The following IGSF11 variants were observed in gnomAD, a reference collection of about 807,000 sequenced individuals.
The protein encoded by IGSF11 is immunoglobulin superfamily member 11, also known as CXADR like 1.
A neutral mutation model predicts 41.0 loss-of-function variants in IGSF11; 22 were observed. The ratio of observed to expected loss-of-function variants is 0.54; its 90% confidence interval spans 0.38 to 0.77. The LOEUF is 0.77. IGSF11 is among the 30% of genes least tolerant of loss of function. The probability of loss-of-function intolerance (pLI) is 0.00; values close to 1 mark genes in which losing one functional copy is unlikely to be tolerated. For missense variants in IGSF11, 444 were observed against 530.8 expected (o/e 0.84, Z 1.61); for synonymous variants, 219 against 201.3 (o/e 1.09, Z -0.74).
chr3:119,045,495 C>T (rs1941301967), intron 1 of IGSF11, among the ~76,000 whole-genome samples: 3 of 152,000 alleles, frequency 2.0e-5, no homozygotes, highest in South Asian at 4.2e-4. Flanking sequence ...GAGGGTCCTA[C>T]TCCACGGAGT....
intron 1 of IGSF11, among the ~76,000 whole-genome samples, chr3:118,961,808 A>G (rs1394695756): frequency 6.6e-6 from 1 of 152,246 alleles, no homozygotes; most frequent in Non-Finnish European, 1.5e-5. Context: ...AAACAATGTA[A>G]TTAATAAATT....
chr3:119,135,524 C>T (rs11924102), intron 1 of IGSF11, among the ~76,000 whole-genome samples: 20,237 of 152,118 alleles, frequency 0.13, 1,396 homozygotes, highest in East Asian at 0.23. Flanking sequence ...TATCATCTCA[C>T]GCAGGTTAGA....
At chr3:118,934,927 A>G (rs1943125473) in intron 1 of IGSF11, among the ~76,000 whole-genome samples, 1 of 151,980 alleles carries the variant, frequency 6.6e-6, no homozygotes, top group African/African-American at 2.4e-5. Context: ...CCAAACCTCA[A>G]CTTCTTTACT....
At chr3:119,140,959 GCTTGA>G (rs1015201963) in intron 1 of IGSF11, among the ~76,000 whole-genome samples, 4 of 148,974 alleles carry the variant, frequency 2.7e-5, no homozygotes, top group African/African-American at 7.5e-5. Context: ...CAGGAAAATT[GCTTGA>G]CCCAGGAGGC....
chr3:119,111,490 A>G (rs946731491), intron 1 of IGSF11, among the ~76,000 whole-genome samples: 3 of 152,020 alleles, frequency 2.0e-5, no homozygotes, highest in Non-Finnish European at 4.4e-5. Flanking sequence ...TCATATATTC[A>G]TCTAAATTTT....
Position 118,902,779 on chromosome 3 carries a change from G to C in IGSF11, c.1037C>G (p.Ser346Cys), listed in dbSNP as rs756407693. Residue 346 changes from serine (S) to cysteine (C), a missense_variant, in exon 7 of 7, where the codon TCT becomes TGT. Transcript: ENST00000393775. The stretch of plus-strand genomic sequence containing the variant: ...TATGTTGGCATTGCCTGAGTGGAAA[G>C]AGAAAGATTGGCCCAAGTCACTGAA... ...SHFSDLGQSFSFHSGNANIPS... is the reference protein window; with the variant it reads ...SHFSDLGQSFCFHSGNANIPS... 1.9e-6 allele frequency: 3 copies of C among 1,614,062 alleles called. No individual in the cohort carries two copies. Among genetic ancestry groups the C allele is most frequent in the East Asian group, 4.5e-5 (2 of 44,898 alleles).
At chr3:119,029,409 C>T (rs906938244) in intron 1 of IGSF11, among the ~76,000 whole-genome samples, 4 of 152,164 alleles carry the variant, frequency 2.6e-5, no homozygotes, top group African/African-American at 9.7e-5. Flanking sequence ...CCACATACCC[C>T]ACCAATGCTC....
At chr3:119,060,570 A>G (rs780790528) in intron 1 of IGSF11, among the ~76,000 whole-genome samples, 1 of 152,204 alleles carries the variant, frequency 6.6e-6, no homozygotes, top group African/African-American at 2.4e-5. Context: ...AATCCTCACA[A>G]CAATGCTGTG....
At position 118,980,612 on chromosome 3, in the gene IGSF11, T is replaced by C. The variant is rs183454886; in HGVS notation, c.53-50337A>G. ...ACAAGGAATATGTTCGAATGTTTGA[T>C]AGCAGAGTAGTGTGACTGCAATTAA... On this transcript the variant is annotated intron_variant, in intron 1 of 6. Coordinates refer to ENST00000393775, the MANE Select transcript of IGSF11 (RefSeq NM_001015887.3). Among the ~76,000 whole-genome samples the C allele has an allele frequency of 3.9e-5, 6 of 152,286 alleles. No individual in the cohort carries two copies. The East Asian group carries it at 9.6e-4, about 24-fold the overall frequency.
At chr3:118,979,527 A>G (rs1158644663) in intron 1 of IGSF11, among the ~76,000 whole-genome samples, 1 of 152,150 alleles carries the variant, frequency 6.6e-6, no homozygotes, top group Non-Finnish European at 1.5e-5. Context: ...ACAAAAATCA[A>G]CTCAAGATGG....
At chr3:119,052,357 A>G (rs951545742) in intron 1 of IGSF11, among the ~76,000 whole-genome samples, 2 of 151,292 alleles carry the variant, frequency 1.3e-5, no homozygotes, top group African/African-American at 4.9e-5. Context: ...GTGTGCGCCT[A>G]TAATCCCAGC....
chr3:119,144,001 G>A (rs2077685401), intron 1 of IGSF11, among the ~76,000 whole-genome samples: 1 of 152,300 alleles, frequency 6.6e-6, no homozygotes, highest in South Asian at 2.1e-4. Flanking sequence ...AACATTGACA[G>A]ATTTGAAGGG....
rs1468896734 is a variant in IGSF11, at chr3:119,085,151, CA to C, written c.49+19992del. Among the ~76,000 whole-genome samples, 3 of 152,168 alleles carry C rather than the reference CA, an allele frequency of 2.0e-5. No individual in the cohort carries two copies. The East Asian group carries it at 5.8e-4, about 29-fold the overall frequency. On this transcript the variant is annotated intron_variant, in intron 1 of 6. Coordinates refer to the IGSF11 transcript ENST00000354673. ...GGCTCAAGAGTGGAGCTGGTGAGGT[CA>C]CCTCTCTCCCCCTCATACCATAGAA...
At chr3:119,087,427 A>G (rs1201532462) in intron 1 of IGSF11, among the ~76,000 whole-genome samples, 2 of 151,516 alleles carry the variant, frequency 1.3e-5, no homozygotes, top group Admixed American at 6.6e-5. Context: ...CACACACCAT[A>G]GAATACTACT....
intron 1 of IGSF11, among the ~76,000 whole-genome samples, chr3:119,061,776 T>TA (rs1942059875): frequency 1.6e-5 from 1 of 62,966 alleles, no homozygotes; most frequent in East Asian, 3.9e-4. Flanking sequence ...GATTTAACTA[T>TA]AGTTTTTTTT....
intron 1 of IGSF11, among the ~76,000 whole-genome samples, chr3:118,973,928 A>G (rs2107622528): frequency 6.6e-6 from 1 of 152,238 alleles, no homozygotes; most frequent in Non-Finnish European, 1.5e-5. Flanking sequence ...AGGGAGGGGA[A>G]CAACACACAC....
intron 1 of IGSF11, among the ~76,000 whole-genome samples, chr3:119,032,567 T>C (rs1338232754): frequency 6.6e-6 from 1 of 152,220 alleles, no homozygotes; most frequent in Non-Finnish European, 1.5e-5. Flanking sequence ...CATCTCCTGC[T>C]CTAGCAGCTT....
chr3:119,032,355 G>C (rs1940484804), intron 1 of IGSF11, among the ~76,000 whole-genome samples: 1 of 152,088 alleles, frequency 6.6e-6, no homozygotes, highest in Non-Finnish European at 1.5e-5. Context: ...AATTAAATTC[G>C]GTTAGGGCAA....
intron 4 of IGSF11, among the ~76,000 whole-genome samples, chr3:118,921,046 T>G (rs1445627773): frequency 6.6e-6 from 1 of 152,106 alleles, no homozygotes; most frequent in Admixed American, 6.6e-5. Flanking sequence ...ATTCCTTCAT[T>G]ATCTTTAAAT....
Sources: allele counts gnomAD v4.1 joint callset (sites outside exome capture counted in the v4.1 genomes callset), GRCh38; gene constraint gnomAD v4.1.1; transcripts MANE v1.5; gene names NCBI Gene and HGNC (gene_info 2026-07-23, HGNC 2026-07-21).